Variants in LINGO2 observed in about 807,000 individuals in gnomAD.
LINGO2 encodes leucine rich repeat and Ig domain containing 2.
Under a neutral mutation model 30.6 loss-of-function variants are expected in LINGO2, and 14 were observed. That is an observed-to-expected ratio of 0.46 (90% CI 0.30 to 0.72). LINGO2 has a LOEUF of 0.72. LINGO2 is among the 30% of genes least tolerant of loss of function. The pLI is 0.07. For missense variants in LINGO2, 729 were observed against 751.7 expected (o/e 0.97, Z 0.35); for synonymous variants, 317 against 288.5 (o/e 1.10, Z -1.00).
the LINGO2 span, among the ~76,000 whole-genome samples, chr9:28,989,253 T>G: frequency 6.6e-6 from 1 of 152,218 alleles, no homozygotes; most frequent in Non-Finnish European, 1.5e-5. Context: ...TTAGATGACT[T>G]CTAATTAAAC....
the LINGO2 span, among the ~76,000 whole-genome samples, chr9:29,084,162 T>C: frequency 1.3e-5 from 2 of 150,374 alleles, no homozygotes; most frequent in Admixed American, 1.3e-4. Context: ...GACAAAGGTG[T>C]CTTTCAAAAA....
chr9:27,955,342 T>G (rs533224906), intron 5 of LINGO2, among the ~76,000 whole-genome samples: 1 of 152,254 alleles, frequency 6.6e-6, no homozygotes, highest in South Asian at 2.1e-4. Flanking sequence ...ACTTAAAACG[T>G]GTCAATCGTT....
At chr9:28,401,263 G>A (rs570681912) in intron 2 of LINGO2, among the ~76,000 whole-genome samples, 4 of 151,800 alleles carry the variant, frequency 2.6e-5, no homozygotes, top group African/African-American at 9.7e-5. Flanking sequence ...CACCTATTGA[G>A]CCATCCTCTA....
the LINGO2 span, among the ~76,000 whole-genome samples, chr9:28,712,879 A>C: frequency 6.6e-6 from 1 of 151,846 alleles, no homozygotes; most frequent in Admixed American, 6.6e-5. Context: ...TTATTCATTT[A>C]TTTTTTTATG....
At chr9:28,043,614 CAT>C (rs1413874753) in intron 4 of LINGO2, among the ~76,000 whole-genome samples, 7 of 152,158 alleles carry the variant, frequency 4.6e-5, no homozygotes, top group African/African-American at 1.7e-4. Flanking sequence ...AAGTTTCAAA[CAT>C]ATACAAAACT....
the LINGO2 span, among the ~76,000 whole-genome samples, chr9:28,990,010 T>A: frequency 6.6e-5 from 10 of 152,174 alleles, no homozygotes; most frequent in African/African-American, 1.2e-4. Flanking sequence ...GGAAACGGGT[T>A]CATCTCACTA....
At chr9:29,027,010 C>T in the LINGO2 span, among the ~76,000 whole-genome samples, 1 of 152,168 alleles carries the variant, frequency 6.6e-6, no homozygotes, top group Non-Finnish European at 1.5e-5. Context: ...TATGAATGCT[C>T]AGGATGTGAG....
intron 4 of LINGO2, among the ~76,000 whole-genome samples, chr9:28,039,151 A>G (rs1824084006): frequency 6.6e-6 from 1 of 152,174 alleles, no homozygotes; most frequent in Non-Finnish European, 1.5e-5. Flanking sequence ...TGGCTCACCA[A>G]ATTGAAAAAC....
chr9:28,302,447 G>C (rs1824184198), intron 3 of LINGO2, among the ~76,000 whole-genome samples: 1 of 152,196 alleles, frequency 6.6e-6, no homozygotes, highest in East Asian at 1.9e-4. Flanking sequence ...GGGAGGCCAA[G>C]ACAGGTGGAT....
At chr9:29,124,387 G>A in the LINGO2 span, among the ~76,000 whole-genome samples, 1 of 152,078 alleles carries the variant, frequency 6.6e-6, no homozygotes, top group African/African-American at 2.4e-5. Context: ...AAAACCAATG[G>A]CAACAAAAGC....
intron 3 of LINGO2, among the ~76,000 whole-genome samples, chr9:28,302,504 C>A (rs150323523): frequency 6.6e-6 from 1 of 152,192 alleles, no homozygotes; most frequent in African/African-American, 2.4e-5. Context: ...CATGGTGAAA[C>A]CCTCTCCCTA....
the LINGO2 span, among the ~76,000 whole-genome samples, chr9:29,115,529 T>C: frequency 6.6e-6 from 1 of 151,710 alleles, no homozygotes; most frequent in African/African-American, 2.4e-5. Context: ...TGTAAAAAAA[T>C]CAAAACAGAT....
chr9:28,675,907 A>G, the LINGO2 span, among the ~76,000 whole-genome samples: 138 of 129,440 alleles, frequency 1.1e-3, no homozygotes, highest in Admixed American at 6.0e-3. Context: ...GTGTGTATGT[A>G]TATATATATA....
At chr9:27,992,190 C>G (rs1352621949) in intron 5 of LINGO2, among the ~76,000 whole-genome samples, 1 of 143,318 alleles carries the variant, frequency 7.0e-6, no homozygotes, top group Non-Finnish European at 1.5e-5. Flanking sequence ...TTTGCCCTAA[C>G]CTGTCACTGA....
At chr9:27,986,162 A>G (rs988570692) in intron 5 of LINGO2, among the ~76,000 whole-genome samples, 2 of 146,148 alleles carry the variant, frequency 1.4e-5, no homozygotes, top group Non-Finnish European at 3.0e-5. Context: ...GGAACAGGAG[A>G]AAAAAAAAAC....
chr9:29,110,587 G>A, the LINGO2 span, among the ~76,000 whole-genome samples: 1 of 151,780 alleles, frequency 6.6e-6, no homozygotes, highest in South Asian at 2.1e-4. Flanking sequence ...CCGCCTCGGG[G>A]CCTCCCAAAG....
At chr9:28,518,219 C>T (rs1190240438) in intron 1 of LINGO2, among the ~76,000 whole-genome samples, 1 of 152,180 alleles carries the variant, frequency 6.6e-6, no homozygotes, top group East Asian at 1.9e-4. Context: ...TGAATTAATT[C>T]TGGTTTTCAA....
At position 28,003,324 on chromosome 9, in the gene LINGO2, CATATAGAT is replaced by C. The variant is rs535033953; in HGVS notation, c.-36+9023_-36+9030del. ...CTCATTTTTATTAGTTTTTGTTAAC[CATATAGAT>C]ATATAGATATATAGATAGATAGATA... On this transcript the variant is annotated intron_variant, in intron 5 of 5. Coordinates refer to ENST00000379992, the Ensembl canonical transcript of LINGO2. Among the ~76,000 whole-genome samples the C allele has an allele frequency of 9.9e-3, 1,404 of 141,958 alleles. 17 individuals are homozygous for C. The highest frequency in any genetic ancestry group is 0.021 in the African/African-American group (806 of 37,894). The allele number at this position is 141,958 out of a possible 152,430, so 93.1% of individuals were successfully genotyped here. A position where few individuals can be genotyped will look rare whatever the true frequency, so the allele number is the denominator to read the frequency against.
intron 4 of LINGO2, among the ~76,000 whole-genome samples, chr9:28,292,327 A>G (rs1823759949): frequency 6.6e-6 from 1 of 152,298 alleles, no homozygotes; most frequent in African/African-American, 2.4e-5. Context: ...TCACATGGGC[A>G]TTTTATGGAT....
Sources: allele counts gnomAD v4.1 joint callset (sites outside exome capture counted in the v4.1 genomes callset), GRCh38; gene constraint gnomAD v4.1.1; transcripts MANE v1.5; gene names NCBI Gene and HGNC (gene_info 2026-07-23, HGNC 2026-07-21).